KAZN: variants seen among roughly 807,000 people sequenced by gnomAD.
KAZN encodes kazrin, periplakin interacting protein, also known as kazrin.
A neutral mutation model predicts 87.4 loss-of-function variants in KAZN; 40 were observed. The ratio of observed to expected loss-of-function variants is 0.46; its 90% confidence interval spans 0.36 to 0.60. The LOEUF (loss-of-function observed/expected upper bound fraction) is 0.60, where lower values mean the gene tolerates loss of function less well. Among genes scored for constraint, KAZN ranks in the 20% least tolerant of loss-of-function variants. The pLI, the probability that KAZN is intolerant of heterozygous loss-of-function variation, is 0.00. For synonymous variants in KAZN, 466 were observed against 458.3 expected (o/e 1.02, Z -0.22); for missense variants, 898 against 1,073.9 (o/e 0.84, Z 2.29).
intron 2 of KAZN, among the ~76,000 whole-genome samples, chr1:14,528,047 C>CTATCTATG (rs1455314899): frequency 1.4e-5 from 2 of 147,262 alleles, no homozygotes; most frequent in Non-Finnish European, 3.0e-5. Context: ...ATCTATCTAT[C>CTATCTATG]TATGTACCTA....
In KAZN at chr1:14,035,727, G is replaced by A. The variant is rs148818792; in HGVS notation, c.91+141971G>A. 6.3e-4 allele frequency among the ~76,000 whole-genome samples: 96 copies of A among 151,310 alleles called. No homozygotes were observed. In the East Asian group the frequency reaches 0.014, roughly 22 times the overall value. On this transcript the variant is annotated intron_variant, in intron 1 of 16. Transcript: ENST00000636203. ...TGACCTCAGGTGATCTGCCCGCCTC[G>A]GCCTCCCAAAGTGCTGGGATTACAG...
chr1:14,936,183 T>A (rs1334060501), intron 1 of KAZN, among the ~76,000 whole-genome samples: 1 of 152,248 alleles, frequency 6.6e-6, no homozygotes, highest in Non-Finnish European at 1.5e-5. Flanking sequence ...TCACTCACCC[T>A]CTGGACCTGT....
rs542565820 is a variant in KAZN at position 14,742,459 on chromosome 1, G to A, written c.226+143236G>A. On this transcript the variant is annotated intron_variant, in intron 1 of 14. Coordinates refer to ENST00000376030, the MANE Select transcript of KAZN (RefSeq NM_201628.3). ...AATAAATACTTGTTGGATTAACTAA[G>A]TGCATTCTTGCGTACGTGCTTGAAT... Among the ~76,000 whole-genome samples, 209 of 152,234 alleles carry A rather than the reference G, an allele frequency of 1.4e-3. 1 individual carries two copies. The highest frequency in any genetic ancestry group is 3.4e-3 in the Middle Eastern group (1 of 294).
At chr1:14,818,432 C>G (rs1170913946) in intron 1 of KAZN, among the ~76,000 whole-genome samples, 1 of 152,218 alleles carries the variant, frequency 6.6e-6, no homozygotes, top group Non-Finnish European at 1.5e-5. Context: ...GTGGGTGCCA[C>G]AGCAGGGAGG....
At chr1:14,854,939 G>A (rs151038385) in intron 1 of KAZN, among the ~76,000 whole-genome samples, 14 of 152,206 alleles carry the variant, frequency 9.2e-5, no homozygotes, top group African/African-American at 3.4e-4. Context: ...TCAAGAAATC[G>A]GCTTTCAGAA....
intron 2 of KAZN, among the ~76,000 whole-genome samples, chr1:15,017,199 G>A (rs1670207207): frequency 6.6e-6 from 1 of 151,972 alleles, no homozygotes; most frequent in African/African-American, 2.4e-5. Context: ...TCAGGAGGCT[G>A]AGGCACGAGA....
intron 1 of KAZN, among the ~76,000 whole-genome samples, chr1:14,752,254 A>G (rs1644432812): frequency 6.6e-6 from 1 of 152,200 alleles, no homozygotes; most frequent in Admixed American, 6.5e-5. Context: ...TGAGGTTCAG[A>G]AGGGACAAGT....
intron 2 of KAZN, among the ~76,000 whole-genome samples, chr1:14,278,075 C>T (rs1233199455): frequency 6.8e-6 from 1 of 147,520 alleles, no homozygotes; most frequent in African/African-American, 2.5e-5. Context: ...GAGGCTGAGG[C>T]AGGAGAATCG....
chr1:14,278,394 G>A (rs564910367), intron 2 of KAZN, among the ~76,000 whole-genome samples: 176 of 149,940 alleles, frequency 1.2e-3, no homozygotes, highest in Non-Finnish European at 2.1e-3. Flanking sequence ...GGACTCAAGC[G>A]ATTCGCCAGC....
intron 2 of KAZN, among the ~76,000 whole-genome samples, chr1:14,992,402 G>A (rs1378995693): frequency 1.3e-5 from 2 of 152,192 alleles, no homozygotes; most frequent in African/African-American, 2.4e-5. Flanking sequence ...CGGGCCAAGG[G>A]TGAGGAGGAA....
intron 4 of KAZN, among the ~76,000 whole-genome samples, chr1:15,054,706 A>G (rs1362795005): frequency 6.6e-6 from 1 of 152,244 alleles, no homozygotes; most frequent in Non-Finnish European, 1.5e-5. Context: ...CACATTTCTA[A>G]TACTTGCCGT....
At chr1:14,195,155 C>T (rs970145434) in intron 2 of KAZN, among the ~76,000 whole-genome samples, 6 of 152,122 alleles carry the variant, frequency 3.9e-5, no homozygotes, top group Admixed American at 2.6e-4. Context: ...TCTATAAGCA[C>T]ATCTGAAATT....
At chr1:14,628,109 G>A (rs547883766) in intron 1 of KAZN, among the ~76,000 whole-genome samples, 1 of 152,254 alleles carries the variant, frequency 6.6e-6, no homozygotes, top group East Asian at 1.9e-4. Flanking sequence ...CTTTGCAATG[G>A]GACATCTCAG....
chr1:14,668,160 A>G (rs1639693219), intron 1 of KAZN, among the ~76,000 whole-genome samples: 1 of 152,226 alleles, frequency 6.6e-6, no homozygotes, highest in Non-Finnish European at 1.5e-5. Context: ...TGAGAGGGAA[A>G]TGAAAGTCTC....
At chr1:14,396,422 A>G (rs1307523112) in intron 2 of KAZN, among the ~76,000 whole-genome samples, 24 of 152,224 alleles carry the variant, frequency 1.6e-4, no homozygotes. Context: ...AGGTTCCAAA[A>G]AATGATGGGG....
At chr1:14,001,124 A>C (rs1003744844) in intron 1 of KAZN, among the ~76,000 whole-genome samples, 1 of 152,122 alleles carries the variant, frequency 6.6e-6, no homozygotes, top group Non-Finnish European at 1.5e-5. Context: ...CTCAGCCCCA[A>C]AACTCCTCAA....
intron 1 of KAZN, among the ~76,000 whole-genome samples, chr1:14,883,384 A>AAAGAAAGAAAGG (rs2101114043): frequency 1.5e-5 from 2 of 130,318 alleles, no homozygotes; most frequent in Non-Finnish European, 3.3e-5. Context: ...AGAAAGAAAG[A>AAAGAAAGAAAGG]AAGAAAGAAA....
chr1:13,962,219 T>C (rs1039881347), intron 1 of KAZN, among the ~76,000 whole-genome samples: 1 of 151,336 alleles, frequency 6.6e-6, no homozygotes, highest in African/African-American at 2.4e-5. Flanking sequence ...TGAGGGACAG[T>C]GAGGAGGCAG....
chr1:13,907,531 G>T (rs1203703), intron 1 of KAZN, among the ~76,000 whole-genome samples: 89,415 of 149,368 alleles, frequency 0.6, 27,498 homozygotes, highest in East Asian at 0.83. Flanking sequence ...GGAATGGGGG[G>T]TCTTGGAATG....
Sources: gnomAD v4.1 joint callset for allele counts (sites outside exome capture counted in the v4.1 genomes callset) on GRCh38, gnomAD v4.1.1 for gene constraint, MANE v1.5 for transcripts, NCBI Gene and HGNC (gene_info 2026-07-23, HGNC 2026-07-21) for gene names.